HNRNPM: variants seen among roughly 807,000 people sequenced by gnomAD.
HNRNPM encodes CEA receptor.
HNRNPM carries 11 observed loss-of-function variants against 73.1 expected under a neutral mutation model. The observed-to-expected ratio is 0.15, with a 90% CI of 0.09 to 0.25. The LOEUF (loss-of-function observed/expected upper bound fraction) is 0.25. HNRNPM is among the 10% of genes least tolerant of loss of function. HNRNPM has a pLI of 1.00. For missense variants in HNRNPM, 789 were observed against 1,067.9 expected (o/e 0.74, Z 3.64); for synonymous variants, 407 against 355.2 (o/e 1.15, Z -1.64).
At chr19:8,487,717 C>T (rs1163640853) in intron 15 of HNRNPM, 2 of 152,604 alleles carry the variant, frequency 1.3e-5, no homozygotes, top group East Asian at 3.8e-4. Context: ...ACTGTCCTCC[C>T]GCTTCCTGTT....
At chr19:8,471,714 C>G (rs972818675) in intron 10 of HNRNPM, among the ~76,000 whole-genome samples, 2 of 152,164 alleles carry the variant, frequency 1.3e-5, no homozygotes, top group African/African-American at 4.8e-5. Context: ...GAGAGTTGAT[C>G]TTGCTCAAGG....
chr19:8,446,279 G>A (rs1026203865), intron 1 of HNRNPM, among the ~76,000 whole-genome samples: 2 of 152,206 alleles, frequency 1.3e-5, no homozygotes, highest in African/African-American at 2.4e-5. Flanking sequence ...ATCGGAAACA[G>A]AAAGTGTAGC....
intron 1 of HNRNPM, among the ~76,000 whole-genome samples, chr19:8,449,325 A>G (rs1250003188): frequency 6.6e-6 from 1 of 152,130 alleles, no homozygotes; most frequent in African/African-American, 2.4e-5. Context: ...CCCCATTACC[A>G]TATTTTGCAG....
chr19:8,476,097 C>T (rs1264838216), intron 12 of HNRNPM, among the ~76,000 whole-genome samples: 1 of 151,884 alleles, frequency 6.6e-6, no homozygotes, highest in Non-Finnish European at 1.5e-5. Context: ...GGATTCAGAG[C>T]CTGGGGTACG....
chr19:8,448,196 T>A (rs1286054229), intron 1 of HNRNPM, among the ~76,000 whole-genome samples: 1 of 151,986 alleles, frequency 6.6e-6, no homozygotes, highest in East Asian at 1.9e-4. Flanking sequence ...AGGAGTGGAG[T>A]GTGCAGTAGA....
chr19:8,474,289 C>G, intron 12 of HNRNPM, 45 bp downstream of exon 12: 2 of 1,423,168 alleles, frequency 1.4e-6, no homozygotes, highest in Non-Finnish European at 1.9e-6. Flanking sequence ...CCTTTGCCGG[C>G]TGTTGCCTCT....
chr19:8,479,159 C>T (rs1970731701), intron 12 of HNRNPM, among the ~76,000 whole-genome samples: 1 of 141,140 alleles, frequency 7.1e-6, no homozygotes, highest in African/African-American at 2.6e-5. Flanking sequence ...GATCTCAGCT[C>T]ACTGCGGCCT....
At chr19:8,448,285 G>T (rs1968355005) in intron 1 of HNRNPM, among the ~76,000 whole-genome samples, 1 of 152,112 alleles carries the variant, frequency 6.6e-6, no homozygotes. Context: ...TCTCTCCTGG[G>T]TGTGAGAATA....
intron 10 of HNRNPM, among the ~76,000 whole-genome samples, chr19:8,471,957 G>A (rs1034766827): frequency 6.6e-6 from 1 of 152,138 alleles, no homozygotes; most frequent in African/African-American, 2.4e-5. Flanking sequence ...CGGATCACAA[G>A]GTCAGGAGTT....
In HNRNPM at chr19:8,445,119, T is replaced by G; in HGVS notation, c.113+8T>G. On this transcript the variant is annotated splice_region_variant and intron_variant, in intron 1 of 15. Transcript: ENST00000325495. ...GGCTCCGGGCCCTAAGGGGTGAGTA[T>G]CCCACGGTCCTTTGCCACGGGTAAG... 1 of 1,394,490 alleles carries G rather than the reference T, an allele frequency of 7.2e-7. No individual in the cohort carries two copies. Among genetic ancestry groups the G allele is most frequent in the Non-Finnish European group, 9.3e-7 (1 of 1,071,632 alleles). The allele number at this position is 1,394,490 out of a possible 1,614,324, so 86.4% of individuals were successfully genotyped here.
chr19:8,485,554 G>T (rs377132951), intron 13 of HNRNPM, 49 bp from the exon 14 acceptor site: 13 of 1,547,752 alleles, frequency 8.4e-6, no homozygotes, highest in Non-Finnish European at 9.6e-6. Context: ...TTGTGCACAC[G>T]CACACTCAAG....
intron 1 of HNRNPM, among the ~76,000 whole-genome samples, chr19:8,447,435 A>G (rs998444088): frequency 6.6e-6 from 1 of 152,046 alleles, no homozygotes; most frequent in Non-Finnish European, 1.5e-5. Context: ...TGCTTGGTAG[A>G]AAGAATGGAG....
At chr19:8,463,765 T>C (rs1948520846) in intron 5 of HNRNPM, 79 bp downstream of exon 5, 1 of 984,226 alleles carries the variant, frequency 1.0e-6, no homozygotes, top group Admixed American at 1.9e-5. Flanking sequence ...AAGACGGTCA[T>C]GGTCCCAGAC....
chr19:8,477,372 G>T (rs995205431), intron 12 of HNRNPM, among the ~76,000 whole-genome samples: 1 of 151,898 alleles, frequency 6.6e-6, no homozygotes, highest in Non-Finnish European at 1.5e-5. Flanking sequence ...AAAAGACATT[G>T]TAAGGCTGGG....
At chr19:8,480,781 C>T (rs1376881535) in intron 12 of HNRNPM, among the ~76,000 whole-genome samples, 1 of 152,112 alleles carries the variant, frequency 6.6e-6, no homozygotes, top group African/African-American at 2.4e-5. Flanking sequence ...TGGAGTGGCA[C>T]ATGAGTGGCA....
intron 10 of HNRNPM, among the ~76,000 whole-genome samples, chr19:8,473,134 T>C: frequency 6.6e-6 from 1 of 152,028 alleles, no homozygotes; most frequent in Non-Finnish European, 1.5e-5. Context: ...TCCCAGCTAC[T>C]TGGGAGGCTG....
chr19:8,453,263 T>A (rs1440557953), intron 1 of HNRNPM, among the ~76,000 whole-genome samples: 1 of 152,154 alleles, frequency 6.6e-6, no homozygotes, highest in African/African-American at 2.4e-5. Context: ...TGCCTCAGCC[T>A]CCTGAGAGGT....
At chr19:8,460,624 G>A (rs1003470594) in intron 2 of HNRNPM, among the ~76,000 whole-genome samples, 3 of 152,204 alleles carry the variant, frequency 2.0e-5, no homozygotes, top group Non-Finnish European at 4.4e-5. Context: ...GTTTGGTTTG[G>A]ATTTGCTTGG....
rs1971511504 is a variant in HNRNPM at position 8,488,917 on chromosome 19, TTTTAA to T, written c.*67_*71del. ...AATTTGTATTTTTTCTTGTTAACCA[TTTTAA>T]TTTGTTGGCTGGATGTATAAAGATG... On this transcript the variant is annotated 3_prime_UTR_variant, in exon 16 of 16. Transcript: ENST00000325495. 4.2e-6 allele frequency: 6 copies of T among 1,412,560 alleles called. No individual in the cohort carries two copies. The East Asian group carries it at 1.4e-4, about 33-fold the overall frequency. The allele number at this position is 1,412,560 out of a possible 1,614,324, so 87.5% of individuals were successfully genotyped here. A position where few individuals can be genotyped will look rare whatever the true frequency, so the allele number is the denominator to read the frequency against.
Sources: gnomAD v4.1 joint callset for allele counts (sites outside exome capture counted in the v4.1 genomes callset) on GRCh38, gnomAD v4.1.1 for gene constraint, MANE v1.5 for transcripts, NCBI Gene and HGNC (gene_info 2026-07-23, HGNC 2026-07-21) for gene names.